The following TRIM21 variants were observed in gnomAD, a reference collection of about 807,000 sequenced individuals.
TRIM21 encodes the protein E3 ubiquitin-protein ligase TRIM21.
A neutral mutation model predicts 36.1 loss-of-function variants in TRIM21; 35 were observed. That is an observed-to-expected ratio of 0.97 (90% confidence interval 0.74 to 1.28). The LOEUF is 1.28. TRIM21 is among the 50% of genes most tolerant of loss of function. TRIM21 has a pLI of 0.00. For synonymous variants in TRIM21, 256 were observed against 211.5 expected (o/e 1.21, Z -1.83); for missense variants, 635 against 570.7 (o/e 1.11, Z -1.15).
At chr11:4,389,550 A>G (rs952733055) in intron 3 of TRIM21, 104 bp downstream of exon 3, 73 of 971,984 alleles carry the variant, frequency 7.5e-5, no homozygotes, top group Non-Finnish European at 1.0e-5. Flanking sequence ...GACCAACTCT[A>G]TCACTGCTCA....
chr11:4,392,948 A>G (rs2094964804), intron 1 of TRIM21, among the ~76,000 whole-genome samples: 1 of 152,144 alleles, frequency 6.6e-6, no homozygotes, highest in East Asian at 1.9e-4. Flanking sequence ...CTTTGAATAT[A>G]TCTTCATTAA....
chr11:4,393,416 G>C (rs1336282905), intron 1 of TRIM21, among the ~76,000 whole-genome samples: 1 of 152,082 alleles, frequency 6.6e-6, no homozygotes, highest in Non-Finnish European at 1.5e-5. Context: ...TCCCCTTCTG[G>C]GTAACTCGGC....
In TRIM21 at chr11:4,385,193, A is replaced by T; in HGVS notation, c.*92T>A. On this transcript the variant is annotated 3_prime_UTR_variant, in exon 7 of 7. Transcript: ENST00000254436. ...GGGATCCGGATGCCTCTGCAGAGAC[A>T]AAGGTGGTTCAGAGTTCATGGGGAA... 7.8e-7 allele frequency: 1 copy of T among 1,286,764 alleles called. No homozygotes were observed. Among genetic ancestry groups the T allele is most frequent in the Non-Finnish European group, 1.1e-6 (1 of 941,288 alleles). 79.7% of individuals were successfully genotyped at this position (1,286,764 alleles called of 1,614,324 possible).
intron 5 of TRIM21, 159 bp from the exon 6 acceptor site, chr11:4,386,416 T>C (rs1236482003): frequency 1.4e-6 from 1 of 701,290 alleles, no homozygotes; most frequent in East Asian, 2.7e-5. Context: ...AGGCAAACAA[T>C]GCAGGATTTA....
At chr11:4,385,951 G>A (rs1260756167) in intron 6 of TRIM21, 98 bp from the exon 7 acceptor site, 2 of 1,293,246 alleles carry the variant, frequency 1.5e-6, no homozygotes, top group Non-Finnish European at 2.1e-6. Flanking sequence ...GGGTAAGCAT[G>A]AGGGGTGAAC....
At chr11:4,390,814 T>A (rs1014951277) in intron 1 of TRIM21, among the ~76,000 whole-genome samples, 1 of 152,120 alleles carries the variant, frequency 6.6e-6, no homozygotes, top group Non-Finnish European at 1.5e-5. Context: ...ACCAAGAACA[T>A]ACAGTGAGGA....
Position 4,385,611 on chromosome 11 carries a change from GC to G in TRIM21, c.1101del (p.His368ThrfsTer93). On this transcript the variant is annotated frameshift_variant, in exon 7 of 7. Transcript: ENST00000254436. LOFTEE classifies it low-confidence loss of function (END_TRUNC). ...GVCRDSVRRK[G>X]HFLLSSKSGF... Reference sequence around the variant, plus strand: ...CCACTCTTGGAACTAAGCAAAAAGTGCCCCTTCCTGCGCACAGAGTCTCTGC... The same window carrying G: ...CCACTCTTGGAACTAAGCAAAAAGTGCCCTTCCTGCGCACAGAGTCTCTGC... 1 of 1,612,742 alleles carries G rather than the reference GC, an allele frequency of 6.2e-7. No individual in the cohort carries two copies. The highest frequency in any genetic ancestry group is 8.5e-7 in the Non-Finnish European group (1 of 1,179,388).
intron 5 of TRIM21, 60 bp from the exon 6 acceptor site, chr11:4,386,317 T>C (rs1218703617): frequency 1.5e-6 from 2 of 1,357,182 alleles, no homozygotes; most frequent in Admixed American, 3.6e-5. Context: ...CCTAACACTA[T>C]AACCTCCATT....
intron 1 of TRIM21, among the ~76,000 whole-genome samples, chr11:4,390,735 T>C (rs1403408308): frequency 6.6e-6 from 1 of 152,062 alleles, no homozygotes; most frequent in African/African-American, 2.4e-5. Flanking sequence ...AACAGACACA[T>C]AGACCAGTAG....
intron 4 of TRIM21, 29 bp downstream of exon 4, chr11:4,388,271 T>C (rs539677089): frequency 3.6e-5 from 56 of 1,575,264 alleles, no homozygotes; most frequent in Non-Finnish European, 4.7e-5. Context: ...ATTCCCTGAA[T>C]TGTAGAAGGA....
chr11:4,392,735 G>A (rs1183362186), intron 1 of TRIM21, among the ~76,000 whole-genome samples: 3 of 152,262 alleles, frequency 2.0e-5, no homozygotes, highest in South Asian at 2.1e-4. Context: ...GAGACAGAAG[G>A]AGAAACTGAG....
intron 4 of TRIM21, 110 bp from the exon 5 acceptor site, chr11:4,387,100 C>A: frequency 8.9e-7 from 1 of 1,118,640 alleles, no homozygotes; most frequent in South Asian, 1.4e-5. Flanking sequence ...CTGTTCCTCT[C>A]CTTCCTCTGG....
rs531646029 is a variant in TRIM21, at chr11:4,386,088, T to C, written c.859+69A>G. Reference sequence around the variant, plus strand: ...CTGCCATCTCTCCTCCAAGTTGCCATCCAGGCTCCCTGACCCTGGGATCTA... The same window carrying C: ...CTGCCATCTCTCCTCCAAGTTGCCACCCAGGCTCCCTGACCCTGGGATCTA... On this transcript the variant is annotated intron_variant, in intron 6 of 6. Coordinates refer to ENST00000254436, the MANE Select transcript of TRIM21 (RefSeq NM_003141.4). 2.3e-4 allele frequency: 345 copies of C among 1,475,326 alleles called. 2 individuals are homozygous for C. The African/African-American group carries it at 3.0e-3, about 13-fold the overall frequency. 91.4% of individuals were successfully genotyped at this position (1,475,326 alleles called of 1,614,324 possible).
At position 4,389,672 on chromosome 11, in the gene TRIM21, T is replaced by C. The variant is rs569615934; in HGVS notation, c.486A>G (p.Ile162Met). The change falls in exon 3 of 7, where the codon ATA becomes ATG. Residue 162 changes from isoleucine to methionine, a missense_variant. Coordinates refer to ENST00000254436, the MANE Select transcript of TRIM21 (RefSeq NM_003141.4). ...LAEKLEVEIA[I>M]KRADWKKTVE... ...TTCTTACCTTCCAGTCTGCTCTCTT[T>C]ATTGCAATTTCCACTTCCAACTTCT... The C allele has an allele frequency of 5.0e-6, 8 of 1,613,932 alleles. No homozygotes were observed. Among genetic ancestry groups the C allele is most frequent in the Admixed American group, 3.3e-5 (2 of 60,020 alleles).
intron 4 of TRIM21, among the ~76,000 whole-genome samples, chr11:4,387,349 G>A (rs2094957373): frequency 6.6e-6 from 1 of 152,012 alleles, no homozygotes; most frequent in African/African-American, 2.4e-5. Context: ...GCAGAGAATG[G>A]CCGAGTTCAG....
rs757990805 is a variant in TRIM21, at chr11:4,390,145, C to T, written c.265G>A (p.Gly89Arg). 1 of 1,614,034 alleles carries T rather than the reference C, an allele frequency of 6.2e-7. No homozygotes were observed. The highest frequency in any genetic ancestry group is 1.7e-5 in the Admixed American group (1 of 60,026). The change falls in exon 2 of 7, where the codon GGG becomes AGG. Residue 89 changes from glycine (G) to arginine (R), a missense_variant. Transcript: ENST00000254436. Reference protein sequence around the residue: ...ISQEAREGTQGERCAVHGERL... With the variant: ...ISQEAREGTQRERCAVHGERL... ...TCTCCATGCACTGCACACCGTTCCCCCTGTGTGCCCTCTCTGGCCTCCTGG... is the reference window on the plus strand; with the variant it reads ...TCTCCATGCACTGCACACCGTTCCCTCTGTGTGCCCTCTCTGGCCTCCTGG...
At chr11:4,386,817 C>T in intron 5 of TRIM21, 151 bp downstream of exon 5, 2 of 768,276 alleles carry the variant, frequency 2.6e-6, no homozygotes, top group South Asian at 3.8e-5. Context: ...CTTTCTGAGA[C>T]CAGAAAATAT....
At chr11:4,391,108 A>G (rs961045098) in intron 1 of TRIM21, among the ~76,000 whole-genome samples, 1 of 152,256 alleles carries the variant, frequency 6.6e-6, no homozygotes, top group Non-Finnish European at 1.5e-5. Context: ...GCTGCACAGC[A>G]AAAGAAACAA....
chr11:4,393,331 C>T (rs935959320), intron 1 of TRIM21, among the ~76,000 whole-genome samples: 1 of 152,030 alleles, frequency 6.6e-6, no homozygotes, highest in Non-Finnish European at 1.5e-5. Context: ...CAGCCGGGCC[C>T]CTTCCCCTTC....
Sources: gnomAD v4.1 joint callset for allele counts (sites outside exome capture counted in the v4.1 genomes callset) on GRCh38, gnomAD v4.1.1 for gene constraint, MANE v1.5 for transcripts, NCBI Gene and HGNC (gene_info 2026-07-23, HGNC 2026-07-21) for gene names.